Variants in MEIKIN observed in about 807,000 individuals in gnomAD.
MEIKIN encodes meiotic kinetochore factor.
At chr5:131,875,971 T>C (rs1361944877) in intron 9 of MEIKIN, among the ~76,000 whole-genome samples, 2 of 152,206 alleles carry the variant, frequency 1.3e-5, no homozygotes, top group African/African-American at 4.8e-5. Flanking sequence ...GATCCCTTCC[T>C]TACACCTTAT....
Position 131,914,664 on chromosome 5 carries a change from G to T in MEIKIN, c.638+2222C>A, listed in dbSNP as rs142398065. Among the ~76,000 whole-genome samples, 474 of 151,766 alleles carry T rather than the reference G, an allele frequency of 3.1e-3. 3 individuals carry two copies. The highest frequency in any genetic ancestry group is 0.011 in the African/African-American group (452 of 41,384). Reference sequence around the variant, plus strand: ...TTATAATATAATTGCCCAGTTTCAGGTATTTTGTAATAAGCAACAGAAAAC... The same window carrying T: ...TTATAATATAATTGCCCAGTTTCAGTTATTTTGTAATAAGCAACAGAAAAC... On this transcript the variant is annotated intron_variant, in intron 7 of 12. Coordinates refer to ENST00000442687, the MANE Select transcript of MEIKIN (RefSeq NM_001303622.2).
At chr5:131,875,896 A>G (rs1458817494) in intron 9 of MEIKIN, among the ~76,000 whole-genome samples, 1 of 152,220 alleles carries the variant, frequency 6.6e-6, no homozygotes, top group Non-Finnish European at 1.5e-5. Flanking sequence ...CAATGGGGAA[A>G]GGATTCGCTA....
chr5:131,820,622 G>A (rs1288535263), intron 11 of MEIKIN, among the ~76,000 whole-genome samples: 1 of 152,114 alleles, frequency 6.6e-6, no homozygotes, highest in Non-Finnish European at 1.5e-5. Flanking sequence ...CAAATGTTTG[G>A]TAGAATTCAG....
At chr5:131,877,452 G>C (rs1440233150) in intron 9 of MEIKIN, among the ~76,000 whole-genome samples, 2 of 152,102 alleles carry the variant, frequency 1.3e-5, no homozygotes, top group Non-Finnish European at 2.9e-5. Context: ...AGGCCAGCCT[G>C]AGCAACATGT....
intron 9 of MEIKIN, among the ~76,000 whole-genome samples, chr5:131,855,569 T>C (rs913353525): frequency 1.4e-5 from 2 of 142,572 alleles, no homozygotes; most frequent in African/African-American, 5.2e-5. Flanking sequence ...GGAGAGGAGA[T>C]GAAGGAAGAG....
rs563944584 is a variant in MEIKIN at position 131,939,741 on chromosome 5, A to C, written c.349+2894T>G. Among the ~76,000 whole-genome samples, 3 of 152,336 alleles carry C rather than the reference A, an allele frequency of 2.0e-5. No homozygotes were observed. The South Asian group carries it at 6.2e-4, about 32-fold the overall frequency. ...GTATTTCAGGTTTCAAATATCAATCAGCAAATGAACTCTCAGAATACAAGC... is the reference window on the plus strand; with the variant it reads ...GTATTTCAGGTTTCAAATATCAATCCGCAAATGAACTCTCAGAATACAAGC... On this transcript the variant is annotated intron_variant, in intron 4 of 12. Coordinates refer to ENST00000442687, the MANE Select transcript of MEIKIN (RefSeq NM_001303622.2).
At chr5:131,853,391 T>C (rs551970669) in intron 10 of MEIKIN, among the ~76,000 whole-genome samples, 1 of 152,272 alleles carries the variant, frequency 6.6e-6, no homozygotes, top group South Asian at 2.1e-4. Context: ...TCTGTGAGGA[T>C]TGCTCACACT....
intron 9 of MEIKIN, among the ~76,000 whole-genome samples, chr5:131,875,818 C>G (rs1452514802): frequency 1.3e-5 from 2 of 152,118 alleles, no homozygotes. Context: ...TGGAACAGAA[C>G]ACAGCACTCA....
intron 7 of MEIKIN, among the ~76,000 whole-genome samples, chr5:131,912,331 AG>A (rs1328867356): frequency 2.6e-5 from 4 of 151,432 alleles, no homozygotes; most frequent in Non-Finnish European, 5.9e-5. Flanking sequence ...TTATTGAGAG[AG>A]GGTCTTGCTC....
intron 9 of MEIKIN, among the ~76,000 whole-genome samples, chr5:131,860,936 A>G (rs1379239111): frequency 1.4e-5 from 2 of 143,024 alleles, no homozygotes; most frequent in Non-Finnish European, 3.1e-5. Context: ...TAATTTTTGT[A>G]TTTTTTAGCA....
intron 9 of MEIKIN, among the ~76,000 whole-genome samples, chr5:131,873,569 T>G: frequency 6.6e-6 from 1 of 152,166 alleles, no homozygotes; most frequent in Admixed American, 6.6e-5. Context: ...AACACCCCAC[T>G]GTCAACATTA....
intron 11 of MEIKIN, among the ~76,000 whole-genome samples, chr5:131,847,766 G>C (rs1750043805): frequency 6.6e-6 from 1 of 151,756 alleles, no homozygotes; most frequent in Non-Finnish European, 1.5e-5. Context: ...GATAGACCAG[G>C]TATCAGGCCA....
At chr5:131,933,388 A>T (rs1329986899) in intron 5 of MEIKIN, 125 bp downstream of exon 5, 1 of 380,466 alleles carries the variant, frequency 2.6e-6, no homozygotes, top group African/African-American at 2.1e-5. Flanking sequence ...ATGGTCAGGG[A>T]AGTGAGGTGT....
chr5:131,829,053 T>C (rs1314880801), intron 11 of MEIKIN, among the ~76,000 whole-genome samples: 1 of 152,014 alleles, frequency 6.6e-6, no homozygotes, highest in Non-Finnish European at 1.5e-5. Context: ...CACATCATCA[T>C]AAAATATCAG....
chr5:131,855,866 G>C (rs1434630015), intron 9 of MEIKIN, among the ~76,000 whole-genome samples: 2 of 152,190 alleles, frequency 1.3e-5, no homozygotes, highest in Non-Finnish European at 2.9e-5. Context: ...TAGAAAGTAA[G>C]AGTGATAGTC....
intron 4 of MEIKIN, among the ~76,000 whole-genome samples, chr5:131,935,907 C>T (rs760389423): frequency 3.3e-5 from 5 of 152,206 alleles, no homozygotes; most frequent in Non-Finnish European, 5.9e-5. Context: ...TAGGCTTTCC[C>T]TCTGAGCATC....
chr5:131,928,933 T>C (rs538768347), intron 5 of MEIKIN, among the ~76,000 whole-genome samples: 99 of 152,350 alleles, frequency 6.5e-4, no homozygotes, highest in African/African-American at 2.3e-3. Flanking sequence ...TGTTACTGTT[T>C]AGCATCCTTG....
At chr5:131,828,266 C>T (rs147337557) in intron 11 of MEIKIN, among the ~76,000 whole-genome samples, 398 of 152,210 alleles carry the variant, frequency 2.6e-3, no homozygotes, top group African/African-American at 8.8e-3. Flanking sequence ...GGGTTCAAGT[C>T]ATCCTCCCAT....
At chr5:131,939,185 G>T (rs1751830229) in intron 4 of MEIKIN, among the ~76,000 whole-genome samples, 2 of 152,206 alleles carry the variant, frequency 1.3e-5, no homozygotes, top group South Asian at 4.1e-4. Flanking sequence ...GTGGGAAGAA[G>T]CATAGTTGCC....
Sources: allele counts gnomAD v4.1 joint callset (sites outside exome capture counted in the v4.1 genomes callset), GRCh38; gene constraint gnomAD v4.1.1; transcripts MANE v1.5; gene names NCBI Gene and HGNC (gene_info 2026-07-23, HGNC 2026-07-21).